The following P3H2 variants were observed in gnomAD, a reference collection of about 807,000 sequenced individuals.
The protein encoded by P3H2 is leprecan-like 1.
Under a neutral mutation model 87.0 loss-of-function variants are expected in P3H2, and 80 were observed. That is an observed-to-expected ratio of 0.92 (90% CI 0.77 to 1.11). The LOEUF (loss-of-function observed/expected upper bound fraction) is 1.11, where lower values mean the gene tolerates loss of function less well. Ranked by LOEUF, P3H2 falls within the 50% of genes least tolerant of loss-of-function variation. P3H2 has a pLI of 0.00. For missense variants in P3H2, 1,001 were observed against 923.9 expected, an observed-to-expected ratio of 1.08 and a Z score of -1.08; for synonymous variants, 367 against 359.3, an observed-to-expected ratio of 1.02 and a Z score of -0.24.
At chr3:189,958,633 G>C (rs1049382439) in intron 14 of P3H2, among the ~76,000 whole-genome samples, 3 of 150,596 alleles carry the variant, frequency 2.0e-5, no homozygotes, top group Non-Finnish European at 4.4e-5. Context: ...ACAGGTGTCA[G>C]TAACAACCTC....
Position 190,079,725 on chromosome 3 carries a change from T to TCC in P3H2, c.480+40525_480+40526dup, listed in dbSNP as rs544561394. 2.3e-3 allele frequency among the ~76,000 whole-genome samples: 349 copies of TCC among 152,170 alleles called. 1 individual carries two copies. The highest frequency in any genetic ancestry group is 0.01 in the South Asian group (49 of 4,808). On this transcript the variant is annotated intron_variant, in intron 1 of 14. Transcript: ENST00000319332. ...ACAGGAATGCATTAGCCATTGAACC[T>TCC]CCCCCTTCTTAATTCACTGATTTCA...
chr3:190,114,043 A>G (rs560221040), intron 1 of P3H2, among the ~76,000 whole-genome samples: 6,472 of 110,546 alleles, frequency 0.059, 298 homozygotes, highest in Middle Eastern at 0.11. Flanking sequence ...TGTCGCCACC[A>G]CACTCCAGCC....
At chr3:190,016,313 G>A (rs539711256) in intron 1 of P3H2, among the ~76,000 whole-genome samples, 142 of 149,248 alleles carry the variant, frequency 9.5e-4, no homozygotes, top group African/African-American at 3.4e-3. Flanking sequence ...GTGTGATCTC[G>A]GCGCACTGCA....
intron 1 of P3H2, among the ~76,000 whole-genome samples, chr3:190,002,634 C>T (rs550497207): frequency 2.4e-4 from 36 of 152,262 alleles, no homozygotes; most frequent in Non-Finnish European, 4.9e-4. Flanking sequence ...CTCCTGATCT[C>T]GTGATCCGCC....
intron 1 of P3H2, among the ~76,000 whole-genome samples, chr3:190,117,116 C>A (rs1712318067): frequency 6.6e-6 from 1 of 152,228 alleles, no homozygotes; most frequent in Admixed American, 6.5e-5. Context: ...AGACTCCTGA[C>A]TCCCAGCCCT....
intron 1 of P3H2, among the ~76,000 whole-genome samples, chr3:190,030,097 T>C (rs534453268): frequency 2.0e-5 from 3 of 151,986 alleles, no homozygotes; most frequent in Non-Finnish European, 4.4e-5. Context: ...TATAATTACA[T>C]AAAATGTTTA....
intron 1 of P3H2, among the ~76,000 whole-genome samples, chr3:190,064,857 T>C (rs1726447131): frequency 6.6e-6 from 1 of 152,170 alleles, no homozygotes; most frequent in South Asian, 2.1e-4. Context: ...TCTTGTTTTG[T>C]GTCAGCCAGT....
At chr3:190,058,211 T>A (rs1388357139) in intron 1 of P3H2, among the ~76,000 whole-genome samples, 2 of 152,126 alleles carry the variant, frequency 1.3e-5, no homozygotes, top group African/African-American at 4.8e-5. Context: ...TAGATTTTAG[T>A]CCCTATCTGT....
At position 190,120,619 on chromosome 3, in the gene P3H2, G is replaced by GGATCCA; in HGVS notation, c.112_113insTGGATC (p.Glu37_Pro38insLeuAsp). 2 of 1,537,840 alleles carry GGATCCA rather than the reference G, an allele frequency of 1.3e-6. No homozygotes were observed. Among genetic ancestry groups the GGATCCA allele is most frequent in the Non-Finnish European group, 1.7e-6 (2 of 1,151,220 alleles). On this transcript the variant is annotated inframe_insertion, in exon 1 of 15. Coordinates refer to ENST00000319332, the MANE Select transcript of P3H2 (RefSeq NM_018192.4). Reference sequence around the variant, plus strand: ...CAGGTCGAAGGGCTGCAGAGGCCCGGGCTCCAGCTCCAGCTCCCGGCGTGG... The same window carrying GGATCCA: ...CAGGTCGAAGGGCTGCAGAGGCCCGGGATCCAGCTCCAGCTCCAGCTCCCGGCGTGG...
intron 1 of P3H2, among the ~76,000 whole-genome samples, chr3:190,028,524 C>G (rs944453844): frequency 1.3e-5 from 2 of 152,154 alleles, no homozygotes; most frequent in African/African-American, 4.8e-5. Flanking sequence ...CTGAGGGGCT[C>G]TCTCAGTAGC....
At chr3:189,965,601 T>A (rs1052122222) in intron 13 of P3H2, among the ~76,000 whole-genome samples, 10 of 152,236 alleles carry the variant, frequency 6.6e-5, no homozygotes, top group Non-Finnish European at 1.3e-4. Flanking sequence ...TCAGTATCAA[T>A]GTGATTCTGT....
At chr3:190,024,691 T>C (rs1408555519) in intron 1 of P3H2, among the ~76,000 whole-genome samples, 1 of 152,190 alleles carries the variant, frequency 6.6e-6, no homozygotes, top group South Asian at 2.1e-4. Context: ...CTACAGGTTG[T>C]TATATCTGCA....
chr3:190,081,921 G>A (rs911531718), intron 1 of P3H2, among the ~76,000 whole-genome samples: 3 of 152,092 alleles, frequency 2.0e-5, no homozygotes, highest in East Asian at 1.9e-4. Flanking sequence ...TCAAACTTAA[G>A]GCATTCAGCT....
chr3:190,050,592 G>A (rs1725950799), intron 1 of P3H2, among the ~76,000 whole-genome samples: 1 of 152,022 alleles, frequency 6.6e-6, no homozygotes, highest in African/African-American at 2.4e-5. Flanking sequence ...TAAATATTGT[G>A]GCTAAGTCAA....
At chr3:190,120,048 A>C (rs1334385267) in intron 1 of P3H2, among the ~76,000 whole-genome samples, 2 of 152,194 alleles carry the variant, frequency 1.3e-5, no homozygotes, top group Admixed American at 1.3e-4. Flanking sequence ...GGCTCTGAGA[A>C]AGAGAGAAAA....
At chr3:190,093,961 C>T (rs1331997168) in intron 1 of P3H2, among the ~76,000 whole-genome samples, 5 of 152,000 alleles carry the variant, frequency 3.3e-5, no homozygotes, top group African/African-American at 1.2e-4. Flanking sequence ...CATCCTTTTC[C>T]CATTATCAAC....
At chr3:190,105,979 C>T (rs1711817187) in intron 1 of P3H2, among the ~76,000 whole-genome samples, 1 of 152,166 alleles carries the variant, frequency 6.6e-6, no homozygotes. Flanking sequence ...ATTTTGGTGT[C>T]TATGATGAAG....
intron 1 of P3H2, among the ~76,000 whole-genome samples, chr3:190,115,372 GAATA>G (rs1466153707): frequency 7.5e-6 from 1 of 133,132 alleles, no homozygotes; most frequent in African/African-American, 2.7e-5. Context: ...GTAGAAAAAT[GAATA>G]AATAAACAGC....
At chr3:190,007,079 TATTGGCAGGGAGAACTTCCTC>T in intron 1 of P3H2, among the ~76,000 whole-genome samples, 1 of 152,328 alleles carries the variant, frequency 6.6e-6, no homozygotes, top group East Asian at 1.9e-4. Flanking sequence ...AAATTTCACT[TATTGGCAGGGAGAACTTCCTC>T]ATTGGCAGGG....
Sources: allele counts gnomAD v4.1 joint callset (sites outside exome capture counted in the v4.1 genomes callset), GRCh38; gene constraint gnomAD v4.1.1; transcripts MANE v1.5; gene names NCBI Gene and HGNC (gene_info 2026-07-23, HGNC 2026-07-21).